CD36: variants seen among roughly 807,000 people sequenced by gnomAD.
CD36 encodes the protein CD36 molecule (CD36 blood group), also known as platelet glycoprotein 4.
A neutral mutation model predicts 55.2 loss-of-function variants in CD36; 119 were observed. The observed-to-expected ratio is 2.15, with a 90% CI of 1.86 to 2.51. CD36 has a LOEUF of 2.51. Among genes scored for constraint, CD36 ranks in the 30% most tolerant of loss-of-function variants. CD36 has a pLI of 0.00. For missense variants in CD36, 819 were observed against 555.5 expected, an observed-to-expected ratio of 1.47 and a Z score of -4.77; for synonymous variants, 186 against 193.6, an observed-to-expected ratio of 0.96 and a Z score of 0.33.
At position 80,661,152 on chromosome 7, in the gene CD36, C is replaced by G. The variant is rs776927712; in HGVS notation, c.371C>G (p.Pro124Arg). 1 of 1,613,968 alleles carries G rather than the reference C, an allele frequency of 6.2e-7. No individual in the cohort carries two copies. Among genetic ancestry groups the G allele is most frequent in the East Asian group, 2.2e-5 (1 of 44,840 alleles). The change falls in exon 5 of 15, where the codon CCT becomes CGT. Residue 124 changes from proline (P) to arginine (R), a missense_variant. Coordinates refer to ENST00000447544, the MANE Select transcript of CD36 (RefSeq NM_001001548.3). ...FLQPNGAIFE[P>R]SLSVGTEADN... is the part of the protein sequence containing the mutation. ...CAGCCCAATGGTGCCATCTTCGAAC[C>G]TTCACTATCAGTTGGAACAGAGGCT... is the stretch of plus-strand genomic sequence containing the variant.
intron 1 of CD36, among the ~76,000 whole-genome samples, chr7:80,614,901 C>T (rs1793065064): frequency 6.6e-6 from 1 of 151,904 alleles, no homozygotes; most frequent in African/African-American, 2.4e-5. Context: ...GTTTTTTTCC[C>T]CTCTGCTTGC....
At chr7:80,626,975 C>G (rs965483577) in intron 1 of CD36, among the ~76,000 whole-genome samples, 1 of 151,988 alleles carries the variant, frequency 6.6e-6, no homozygotes, top group Non-Finnish European at 1.5e-5. Context: ...TTGATTCCAA[C>G]TTTTTGTTTT....
Position 80,670,004 on chromosome 7 carries a change from TTTC to T in CD36, c.805_807del (p.Ser269del), listed in dbSNP as rs1797503007. On this transcript the variant is annotated inframe_deletion, in exon 9 of 15. Coordinates refer to ENST00000447544, the MANE Select transcript of CD36 (RefSeq NM_001001548.3). ...GAGAAAAGCCAGGTATTGCAGTTCTTTTCTTCTGATATTTGCAGGTAAGACAGA... is the reference window on the plus strand; with the variant it reads ...GAGAAAAGCCAGGTATTGCAGTTCTTTTCTGATATTTGCAGGTAAGACAGA... The T allele has an allele frequency of 3.7e-6, 6 of 1,608,618 alleles. No individual in the cohort carries two copies. The highest frequency in any genetic ancestry group is 5.1e-6 in the Non-Finnish European group (6 of 1,175,476).
At chr7:80,604,389 T>G (rs201884782) in intron 1 of CD36, among the ~76,000 whole-genome samples, 1 of 105,356 alleles carries the variant, frequency 9.5e-6, no homozygotes, top group Admixed American at 1.2e-4. Flanking sequence ...TTTTTTTTTT[T>G]TAGCAAAGTA....
chr7:80,622,086 C>T (rs1339979088), intron 1 of CD36, among the ~76,000 whole-genome samples: 1 of 152,198 alleles, frequency 6.6e-6, no homozygotes. Flanking sequence ...ATTCTGAGTC[C>T]GTAAAAGGCC....
chr7:80,654,337 C>T (rs143072881), intron 3 of CD36, among the ~76,000 whole-genome samples: 7 of 152,042 alleles, frequency 4.6e-5, no homozygotes, highest in African/African-American at 1.4e-4. Flanking sequence ...TCATTAAAAT[C>T]GCAAAAACCG....
intron 8 of CD36, among the ~76,000 whole-genome samples, chr7:80,668,342 G>A (rs1031623932): frequency 1.3e-5 from 2 of 152,202 alleles, no homozygotes; most frequent in Non-Finnish European, 2.9e-5. Flanking sequence ...ACTAGGAAAA[G>A]AGGGAATTTG....
At chr7:80,651,116 T>G (rs1397929928) in intron 3 of CD36, among the ~76,000 whole-genome samples, 1 of 152,132 alleles carries the variant, frequency 6.6e-6, no homozygotes, top group African/African-American at 2.4e-5. Flanking sequence ...AGTTGTATGC[T>G]AAGCAGATTA....
chr7:80,656,659 C>T lies in CD36; in HGVS notation c.240C>T (p.Ser80=), dbSNP rs776269710. Residue 80 remains serine (S), a synonymous_variant, in exon 4 of 15, where the codon AGC becomes AGT. Transcript: ENST00000447544. ...VQNPQEVMMN[S]SNIQVKQRGP... ...ATCCACAGGAAGTGATGATGAACAG[C>T]AGCAACATTCAAGTTAAGCAAAGAG... 3.7e-6 allele frequency: 6 copies of T among 1,613,562 alleles called. No homozygotes were observed. In the African/African-American group the frequency reaches 6.7e-5, roughly 18 times the overall value.
chr7:80,637,958 T>C (rs1794539632), upstream of CD36, among the ~76,000 whole-genome samples: 1 of 151,898 alleles, frequency 6.6e-6, no homozygotes, highest in African/African-American at 2.4e-5. Flanking sequence ...TCCTCAATAG[T>C]AATTCTACTT....
At chr7:80,630,082 G>C (rs778931054) in intron 1 of CD36, among the ~76,000 whole-genome samples, 4 of 152,018 alleles carry the variant, frequency 2.6e-5, no homozygotes, top group Non-Finnish European at 4.4e-5. Context: ...AATTTTAATA[G>C]TTTGAAGAAT....
chr7:80,673,383 A>G lies in CD36; in HGVS notation c.1228A>G (p.Ile410Val), dbSNP rs1223118461. Residue 410 changes from isoleucine to valine, a missense_variant, in exon 13 of 15, where the codon ATT (isoleucine) becomes GTT (valine). By Grantham distance (29) the Ile-to-Val change is conservative. Transcript: ENST00000447544. The stretch of plus-strand genomic sequence containing the variant: ...ATTAAAGAATCTGAAGAGGAACTAT[A>G]TTGTGCCTATTCTTTGGCTTAATGA... ...QVLKNLKRNY[I>V]VPILWLNETG... 3 of 1,565,896 alleles carry G rather than the reference A, an allele frequency of 1.9e-6. No individual in the cohort carries two copies. Among genetic ancestry groups the G allele is most frequent in the East Asian group, 2.3e-5 (1 of 43,862 alleles).
At position 80,663,169 on chromosome 7, in the gene CD36, T is replaced by C. The variant is rs1796699801; in HGVS notation, c.609T>C (p.Pro203=). Residue 203 remains proline, a splice_region_variant and synonymous_variant, in exon 6 of 15, where the codon CCT becomes CCC. Coordinates refer to ENST00000447544, the MANE Select transcript of CD36 (RefSeq NM_001001548.3). ...PVTTTVGLFY[P]YNNTADGVYK... The stretch of plus-strand genomic sequence containing the variant: ...CTACCACAGTTGGTCTGTTTTATCC[T>C]GTAAGTACCAAATATGAATGGCAAT... The C allele has an allele frequency of 6.2e-7, 1 of 1,610,380 alleles. No homozygotes were observed. Among genetic ancestry groups the C allele is most frequent in the Non-Finnish European group, 8.5e-7 (1 of 1,176,688 alleles).
chr7:80,611,417 T>C (rs1186254862), intron 1 of CD36, among the ~76,000 whole-genome samples: 1 of 152,204 alleles, frequency 6.6e-6, no homozygotes, highest in Non-Finnish European at 1.5e-5. Context: ...AGTTTCTCTT[T>C]AGTCATCTTG....
chr7:80,612,813 A>G (rs1015338514), intron 1 of CD36, among the ~76,000 whole-genome samples: 8 of 152,142 alleles, frequency 5.3e-5, no homozygotes, highest in Admixed American at 3.3e-4. Flanking sequence ...GCTATTTAAC[A>G]TGTGTGTTAT....
chr7:80,647,878 C>T (rs2116424861), intron 3 of CD36, among the ~76,000 whole-genome samples: 1 of 152,104 alleles, frequency 6.6e-6, no homozygotes, highest in Non-Finnish European at 1.5e-5. Context: ...ATGACCTAGA[C>T]AAAGGGTTAG....
upstream of CD36, among the ~76,000 whole-genome samples, chr7:80,638,284 A>T (rs1298192747): frequency 6.6e-6 from 1 of 151,956 alleles, no homozygotes; most frequent in East Asian, 1.9e-4. Context: ...TATTCTTCCA[A>T]ATTTACTATT....
chr7:80,667,373 T>C (rs954421724), intron 8 of CD36, among the ~76,000 whole-genome samples: 9 of 141,902 alleles, frequency 6.3e-5, no homozygotes, highest in Admixed American at 2.3e-4. Flanking sequence ...GAGGCTGCAG[T>C]GAGCTATAAT....
chr7:80,631,693 C>G (rs1794081152), intron 1 of CD36, among the ~76,000 whole-genome samples: 1 of 151,616 alleles, frequency 6.6e-6, no homozygotes, highest in South Asian at 2.1e-4. Flanking sequence ...TAGTCTGCCA[C>G]TTTTCATTAT....
Sources: gnomAD v4.1 joint callset for allele counts (sites outside exome capture counted in the v4.1 genomes callset) on GRCh38, gnomAD v4.1.1 for gene constraint, MANE v1.5 for transcripts, NCBI Gene and HGNC (gene_info 2026-07-23, HGNC 2026-07-21) for gene names.